MEGF11: variants seen among roughly 807,000 people sequenced by gnomAD.
The protein encoded by MEGF11 is multiple EGF like domains 11.
In MEGF11, 126 loss-of-function variants were observed where a neutral mutation model predicts 146.6. The ratio of observed to expected loss-of-function variants is 0.86; its 90% CI spans 0.74 to 1.00. The LOEUF (loss-of-function observed/expected upper bound fraction) is 1.00. Ranked by LOEUF, MEGF11 falls within the 50% of genes least tolerant of loss-of-function variation. The pLI, the probability that MEGF11 is intolerant of heterozygous loss-of-function variation, is 0.00. For missense variants in MEGF11, 1,509 were observed against 1,521.2 expected (o/e 0.99, Z 0.13); for synonymous variants, 532 against 583.4 (o/e 0.91, Z 1.27).
At chr15:66,222,659 A>G (rs2091765558) in intron 1 of MEGF11, among the ~76,000 whole-genome samples, 2 of 152,192 alleles carry the variant, frequency 1.3e-5, no homozygotes, top group African/African-American at 4.8e-5. Flanking sequence ...CTTAGGACCT[A>G]AGTTTAAAAT....
chr15:66,008,101 G>A (rs1410901998), intron 5 of MEGF11, among the ~76,000 whole-genome samples: 3 of 152,192 alleles, frequency 2.0e-5, no homozygotes, highest in African/African-American at 7.2e-5. Flanking sequence ...CTCAGAGGCT[G>A]TTGAGGTAAC....
At chr15:65,909,975 G>C in intron 21 of MEGF11, 169 bp from the exon 22 acceptor site, 1 of 705,838 alleles carries the variant, frequency 1.4e-6, no homozygotes, top group Non-Finnish European at 2.6e-6. Context: ...GGCCACCATG[G>C]TGTGGTTGAT....
intron 5 of MEGF11, among the ~76,000 whole-genome samples, chr15:66,002,426 T>A (rs2082396568): frequency 1.3e-5 from 2 of 152,272 alleles, no homozygotes; most frequent in African/African-American, 4.8e-5. Flanking sequence ...TGGTTTAAAG[T>A]GGACCAAGGA....
intron 10 of MEGF11, among the ~76,000 whole-genome samples, chr15:65,955,598 G>A (rs946399716): frequency 1.3e-5 from 2 of 148,966 alleles, no homozygotes; most frequent in Non-Finnish European, 3.0e-5. Flanking sequence ...ACAAAAATTA[G>A]CTAGGCGTGG....
intron 7 of MEGF11, among the ~76,000 whole-genome samples, chr15:65,971,878 C>A (rs1221615342): frequency 6.6e-6 from 1 of 151,814 alleles, no homozygotes; most frequent in Non-Finnish European, 1.5e-5. Context: ...ATGCCTGGAG[C>A]AAGGAAAACC....
intron 5 of MEGF11, among the ~76,000 whole-genome samples, chr15:66,054,019 G>A (rs28648737): frequency 6.4e-4 from 97 of 151,928 alleles, no homozygotes; most frequent in East Asian, 4.7e-3. Flanking sequence ...CACCATGCCC[G>A]GCCTCCCTGA....
rs568152780 is a variant in MEGF11, at chr15:66,253,007, G to A, written c.-9+598C>T. Among the ~76,000 whole-genome samples, 6 of 152,370 alleles carry A rather than the reference G, an allele frequency of 3.9e-5. No individual in the cohort carries two copies. In the South Asian group the frequency reaches 1.2e-3, roughly 32 times the overall value. ...GAATAGAGTAACGGCTATGGGATGGGAAAGAAATAGGGGGATACACGTTCC... is the reference window on the plus strand; with the variant it reads ...GAATAGAGTAACGGCTATGGGATGGAAAAGAAATAGGGGGATACACGTTCC... On this transcript the variant is annotated intron_variant, in intron 1 of 25. Transcript: ENST00000395614.
chr15:65,947,352 T>G (rs1187696459), intron 10 of MEGF11, among the ~76,000 whole-genome samples: 1 of 151,982 alleles, frequency 6.6e-6, no homozygotes, highest in Non-Finnish European at 1.5e-5. Context: ...CTGCAGATTT[T>G]GTGGGGGGAC....
chr15:66,057,056 T>G (rs1424793308), intron 5 of MEGF11, among the ~76,000 whole-genome samples: 1 of 152,234 alleles, frequency 6.6e-6, no homozygotes, highest in Non-Finnish European at 1.5e-5. Flanking sequence ...CAGATGTTTA[T>G]CTTACTTAAA....
intron 10 of MEGF11, among the ~76,000 whole-genome samples, chr15:65,942,564 C>G (rs945727508): frequency 3.9e-5 from 6 of 152,092 alleles, no homozygotes; most frequent in Non-Finnish European, 8.8e-5. Flanking sequence ...GGTGGCGGTG[C>G]TGTGTTGCTG....
intron 5 of MEGF11, among the ~76,000 whole-genome samples, chr15:66,088,481 G>A (rs1048741855): frequency 6.6e-5 from 10 of 152,110 alleles, no homozygotes; most frequent in Admixed American, 1.3e-4. Flanking sequence ...GTGAAACCCC[G>A]TCTCTACTAA....
intron 1 of MEGF11, among the ~76,000 whole-genome samples, chr15:66,167,559 C>T (rs757623792): frequency 5.0e-4 from 76 of 152,186 alleles, no homozygotes; most frequent in Admixed American, 2.6e-4. Flanking sequence ...GCAGGAGAAT[C>T]GCTTGAACCC....
chr15:66,159,967 T>C (rs939405306), intron 1 of MEGF11, among the ~76,000 whole-genome samples: 1 of 151,988 alleles, frequency 6.6e-6, no homozygotes, highest in Non-Finnish European at 1.5e-5. Context: ...GCATAAGAGA[T>C]CTTCTGAAAG....
chr15:66,080,720 G>T (rs1263960512), intron 5 of MEGF11, among the ~76,000 whole-genome samples: 1 of 152,214 alleles, frequency 6.6e-6, no homozygotes, highest in Non-Finnish European at 1.5e-5. Context: ...GTGAATAGCA[G>T]CTCCTCTTAC....
intron 1 of MEGF11, among the ~76,000 whole-genome samples, chr15:66,157,153 A>G (rs1414734068): frequency 6.6e-6 from 1 of 152,144 alleles, no homozygotes; most frequent in Non-Finnish European, 1.5e-5. Context: ...CAGCTCCTGG[A>G]TCAGAACATA....
chr15:65,931,068 T>C, intron 10 of MEGF11, 125 bp from the exon 11 acceptor site: 4 of 1,190,192 alleles, frequency 3.4e-6, no homozygotes, highest in Non-Finnish European at 4.4e-6. Context: ...TCTGTGAATA[T>C]GTTACCTTAC....
intron 5 of MEGF11, among the ~76,000 whole-genome samples, chr15:66,017,031 G>A (rs973305276): frequency 6.6e-6 from 1 of 152,208 alleles, no homozygotes; most frequent in Admixed American, 6.5e-5. Flanking sequence ...TTGGACAGGG[G>A]TTATTTTTTG....
intron 5 of MEGF11, among the ~76,000 whole-genome samples, chr15:66,059,284 T>C (rs1244845345): frequency 6.6e-6 from 1 of 152,198 alleles, no homozygotes. Flanking sequence ...CCTAAGTCTT[T>C]GTTGCACTTT....
intron 5 of MEGF11, among the ~76,000 whole-genome samples, chr15:66,044,701 T>A (rs393123): frequency 0.15 from 59 of 384 alleles, no homozygotes; most frequent in East Asian, 0.5. Context: ...ATAATAATAA[T>A]AAATAGCCAG....
Sources: gnomAD v4.1 joint callset for allele counts (sites outside exome capture counted in the v4.1 genomes callset) on GRCh38, gnomAD v4.1.1 for gene constraint, MANE v1.5 for transcripts, NCBI Gene and HGNC (gene_info 2026-07-23, HGNC 2026-07-21) for gene names.